The following ESRRG variants were observed in gnomAD, a reference collection of about 807,000 sequenced individuals.
ESRRG encodes the protein estrogen-related receptor gamma.
In ESRRG, 13 loss-of-function variants were observed where a neutral mutation model predicts 44.0. The observed-to-expected ratio is 0.30, with a 90% CI of 0.19 to 0.47. The LOEUF is 0.47. Among genes scored for constraint, ESRRG ranks in the 20% least tolerant of loss-of-function variants. ESRRG has a pLI of 1.00. For synonymous variants in ESRRG, 215 were observed against 214.6 expected, an observed-to-expected ratio of 1.00 and a Z score of -0.02; for missense variants, 395 against 580.6, an observed-to-expected ratio of 0.68 and a Z score of 3.29.
chr1:216,857,362 G>GAAA (rs769553632), intron 2 of ESRRG, among the ~76,000 whole-genome samples: 1 of 125,272 alleles, frequency 8.0e-6, no homozygotes, highest in Non-Finnish European at 1.7e-5. Context: ...CACCCTTTGG[G>GAAA]AAAAAAAAAA....
intron 1 of ESRRG, among the ~76,000 whole-genome samples, chr1:217,125,670 A>G (rs921316340): frequency 2.6e-5 from 4 of 152,222 alleles, no homozygotes; most frequent in African/African-American, 7.2e-5. Context: ...TGGCATATCT[A>G]TGGAACACCT....
At chr1:216,885,386 C>T (rs2096500458) in intron 2 of ESRRG, among the ~76,000 whole-genome samples, 1 of 152,016 alleles carries the variant, frequency 6.6e-6, no homozygotes, top group Non-Finnish European at 1.5e-5. Context: ...AGATTGGCTT[C>T]TAAAGATGTC....
rs142792725 is a variant in ESRRG, at chr1:216,577,168, G to GGA, written c.590-9072_590-9071dup. Among the ~76,000 whole-genome samples, 58 of 149,294 alleles carry GGA rather than the reference G, an allele frequency of 3.9e-4. 1 individual carries two copies. The South Asian group carries it at 5.7e-3, about 15-fold the overall frequency. On this transcript the variant is annotated intron_variant, in intron 3 of 6. Transcript: ENST00000408911. ...TTTCTTACTTTGCTTGATGTCAGAG[G>GGA]GAGAGAGAGAGAGAGAGAGAACGAG...
chr1:216,542,551 C>T (rs1215432466), intron 5 of ESRRG, among the ~76,000 whole-genome samples: 1 of 151,942 alleles, frequency 6.6e-6, no homozygotes, highest in South Asian at 2.1e-4. Flanking sequence ...GCTTATACTT[C>T]AATAATATTC....
At chr1:216,585,688 G>A (rs981966032) in intron 3 of ESRRG, among the ~76,000 whole-genome samples, 1 of 151,890 alleles carries the variant, frequency 6.6e-6, no homozygotes, top group Non-Finnish European at 1.5e-5. Context: ...CAGAAAAATA[G>A]GCCCAATCAA....
chr1:216,835,159 A>G (rs2095544249), intron 2 of ESRRG, among the ~76,000 whole-genome samples: 1 of 150,870 alleles, frequency 6.6e-6, no homozygotes, highest in African/African-American at 2.5e-5. Flanking sequence ...TGATAATCAG[A>G]GTTGAATCTT....
intron 5 of ESRRG, among the ~76,000 whole-genome samples, chr1:216,562,213 A>C (rs1051590928): frequency 6.6e-6 from 1 of 152,190 alleles, no homozygotes; most frequent in Non-Finnish European, 1.5e-5. Flanking sequence ...TCTCCGAAAT[A>C]ATGGGTGGTT....
chr1:217,098,612 G>A (rs1165994667), intron 1 of ESRRG, among the ~76,000 whole-genome samples: 1 of 152,136 alleles, frequency 6.6e-6, no homozygotes, highest in East Asian at 1.9e-4. Flanking sequence ...TGCTCTATCA[G>A]ATTAGGAAGG....
chr1:216,515,716 G>A (rs2044056925), intron 6 of ESRRG, among the ~76,000 whole-genome samples: 2 of 152,104 alleles, frequency 1.3e-5, no homozygotes, highest in Admixed American at 1.3e-4. Flanking sequence ...GCTTCAGGCT[G>A]GGGTGGGGTA....
chr1:216,984,762 A>T (rs1415833927), intron 1 of ESRRG, among the ~76,000 whole-genome samples: 3 of 152,190 alleles, frequency 2.0e-5, no homozygotes, highest in Non-Finnish European at 4.4e-5. Context: ...TTTGGTGACT[A>T]ATCTGCATTC....
intron 2 of ESRRG, among the ~76,000 whole-genome samples, chr1:216,860,485 A>G (rs1033277743): frequency 6.6e-6 from 1 of 152,156 alleles, no homozygotes; most frequent in African/African-American, 2.4e-5. Flanking sequence ...CTGATAAAGT[A>G]TAAAATCTTA....
chr1:216,793,246 C>G (rs545187739), intron 2 of ESRRG, among the ~76,000 whole-genome samples: 3 of 152,246 alleles, frequency 2.0e-5, no homozygotes, highest in African/African-American at 7.2e-5. Flanking sequence ...AGGATTTCCC[C>G]CAATGATTCC....
chr1:217,080,741 C>G (rs830325), intron 1 of ESRRG, among the ~76,000 whole-genome samples: 113,261 of 144,566 alleles, frequency 0.78, 44,533 homozygotes, highest in South Asian at 0.88. Context: ...GCAGTGGCGC[C>G]ATCTTGGCTC....
intron 5 of ESRRG, among the ~76,000 whole-genome samples, chr1:216,534,271 T>C (rs910989496): frequency 2.0e-4 from 31 of 152,096 alleles, no homozygotes; most frequent in African/African-American, 7.5e-4. Context: ...TCTCCGTATC[T>C]CGAAATCAAA....
intron 5 of ESRRG, among the ~76,000 whole-genome samples, chr1:216,547,675 G>A (rs900589942): frequency 6.6e-6 from 1 of 152,068 alleles, no homozygotes; most frequent in Non-Finnish European, 1.5e-5. Flanking sequence ...ATCAATTGGT[G>A]CAGATGCTCC....
intron 5 of ESRRG, 40 bp from the exon 6 acceptor site, chr1:216,519,461 A>G (rs760532979): frequency 1.5e-5 from 24 of 1,557,908 alleles, no homozygotes; most frequent in Non-Finnish European, 1.9e-5. Flanking sequence ...CTTTAAAGCC[A>G]TAATTTCATA....
intron 1 of ESRRG, among the ~76,000 whole-genome samples, chr1:216,722,446 T>C (rs1403062162): frequency 2.2e-5 from 3 of 138,854 alleles, no homozygotes; most frequent in African/African-American, 2.6e-5. Flanking sequence ...TATATTTCCA[T>C]GTGCATAAAG....
At chr1:216,753,791 A>T (rs139310839) in intron 2 of ESRRG, among the ~76,000 whole-genome samples, 2 of 152,062 alleles carry the variant, frequency 1.3e-5, no homozygotes, top group African/African-American at 2.4e-5. Flanking sequence ...ATGACTTTGT[A>T]TCAGAGTGTC....
chr1:216,675,826 A>G (rs1357629387), intron 2 of ESRRG, among the ~76,000 whole-genome samples: 2 of 152,238 alleles, frequency 1.3e-5, no homozygotes, highest in African/African-American at 4.8e-5. Flanking sequence ...AGTACAGTGC[A>G]GTGTTTCTTA....
Sources: gnomAD v4.1 joint callset for allele counts (sites outside exome capture counted in the v4.1 genomes callset) on GRCh38, gnomAD v4.1.1 for gene constraint, MANE v1.5 for transcripts, NCBI Gene and HGNC (gene_info 2026-07-23, HGNC 2026-07-21) for gene names.